Variants in CDH23 observed in about 807,000 individuals in gnomAD.
CDH23 encodes cadherin related 23.
CDH23 carries 189 observed loss-of-function variants against 317.1 expected under a neutral mutation model. The observed-to-expected ratio is 0.60, with a 90% CI of 0.53 to 0.67. The LOEUF is 0.67. CDH23 is among the 30% of genes least tolerant of loss of function. The pLI is 0.00. For missense variants in CDH23, 4,401 were observed against 4,592.4 expected (o/e 0.96, Z 1.20); for synonymous variants, 1,839 against 1,876.8 (o/e 0.98, Z 0.52).
intron 3 of CDH23, among the ~76,000 whole-genome samples, chr10:71,479,281 C>T (rs1033877194): frequency 7.2e-5 from 11 of 152,222 alleles, no homozygotes; most frequent in Non-Finnish European, 1.5e-4. Flanking sequence ...GCAGAGCTAA[C>T]ATTTTGGGGT....
chr10:71,805,951 T>C lies in CDH23; in HGVS notation c.8018T>C (p.Ile2673Thr), dbSNP rs775966932. The C allele has an allele frequency of 1.9e-6, 3 of 1,597,056 alleles. No homozygotes were observed. Among genetic ancestry groups the C allele is most frequent in the Non-Finnish European group, 1.7e-6 (2 of 1,171,366 alleles). Residue 2673 changes from isoleucine (I) to threonine (T), a missense_variant, in exon 56 of 70, where the codon ATC (isoleucine) becomes ACC (threonine). This residue lies in a region of CDH23 where 1,144 missense variants were observed against 1,138.2 expected (regional missense o/e 1.01). Transcript: ENST00000224721. ...ATCATCGACCCAATCAGCGGCCTCA[T>C]CCAGACTGCTCAGCGCCTGGACCGC... ...FFIIDPISGL[I>T]QTAQRLDRES...
chr10:71,806,932 C>A (rs911218643), intron 57 of CDH23, among the ~76,000 whole-genome samples: 1 of 152,226 alleles, frequency 6.6e-6, no homozygotes, highest in Non-Finnish European at 1.5e-5. Context: ...TGGACTCCAA[C>A]TCTGACATGG....
intron 17 of CDH23, among the ~76,000 whole-genome samples, chr10:71,680,810 C>CTTTTTTTTTTTTTTTTTTTTT (rs562449159): frequency 9.0e-5 from 9 of 100,558 alleles, no homozygotes; most frequent in Admixed American, 1.5e-4. Context: ...CTCTGTCTTT[C>CTTTTTTTTTTTTTTTTTTTTT]TTTTTTTTTT....
intron 3 of CDH23, among the ~76,000 whole-genome samples, chr10:71,476,213 A>G (rs143680000): frequency 1.9e-4 from 29 of 152,262 alleles, no homozygotes; most frequent in African/African-American, 5.5e-4. Flanking sequence ...TCATGGCTGC[A>G]TCTTTCATGC....
intron 42 of CDH23, 49 bp downstream of exon 42, chr10:71,784,469 T>C: frequency 1.3e-6 from 2 of 1,585,430 alleles, no homozygotes; most frequent in Admixed American, 1.8e-5. Context: ...GCCCCTGTAC[T>C]TGCCACAGAG....
chr10:71,399,703 T>C (rs1468058310), intron 1 of CDH23, among the ~76,000 whole-genome samples: 3 of 152,096 alleles, frequency 2.0e-5, no homozygotes, highest in Non-Finnish European at 4.4e-5. Context: ...AGTTCAAGGC[T>C]GTAGTGTGCT....
chr10:71,517,519 A>C (rs1854399297), intron 6 of CDH23, among the ~76,000 whole-genome samples: 1 of 152,050 alleles, frequency 6.6e-6, no homozygotes, highest in Non-Finnish European at 1.5e-5. Context: ...CAGATGCTGA[A>C]TGATTTATAA....
intron 11 of CDH23, among the ~76,000 whole-genome samples, chr10:71,643,097 A>G (rs889204769): frequency 6.6e-6 from 1 of 152,252 alleles, no homozygotes; most frequent in African/African-American, 2.4e-5. Context: ...CGTTCGCATC[A>G]TCATCTATAT....
intron 47 of CDH23, among the ~76,000 whole-genome samples, chr10:71,791,732 C>T (rs12355861): frequency 0.11 from 15,971 of 152,000 alleles, 942 homozygotes; most frequent in Middle Eastern, 0.18. Context: ...CCCACCACCA[C>T]ACCCAGCTAA....
chr10:71,635,525 T>A (rs1862225839), intron 11 of CDH23, among the ~76,000 whole-genome samples: 1 of 152,020 alleles, frequency 6.6e-6, no homozygotes, highest in African/African-American at 2.4e-5. Flanking sequence ...CGAGGCAGCC[T>A]CGGATTGATC....
intron 1 of CDH23, among the ~76,000 whole-genome samples, chr10:71,407,373 A>G (rs748883689): frequency 6.6e-6 from 1 of 152,146 alleles, no homozygotes; most frequent in African/African-American, 2.4e-5. Flanking sequence ...TTGAATGTTC[A>G]GGCGCCTCCA....
At chr10:71,791,778 G>T (rs1277791459) in intron 47 of CDH23, among the ~76,000 whole-genome samples, 1 of 151,890 alleles carries the variant, frequency 6.6e-6, no homozygotes, top group African/African-American at 2.4e-5. Context: ...GTTTCACCCT[G>T]TTGGCCAGGC....
chr10:71,540,198 A>G (rs1855911094), intron 6 of CDH23, among the ~76,000 whole-genome samples: 1 of 152,158 alleles, frequency 6.6e-6, no homozygotes, highest in Admixed American at 6.5e-5. Flanking sequence ...GCCGAGGCTC[A>G]CGTGCAGACC....
Position 71,455,823 on chromosome 10 carries a change from G to A in CDH23, c.145+9428G>A, listed in dbSNP as rs529005689. 1.9e-4 allele frequency among the ~76,000 whole-genome samples: 29 copies of A among 152,248 alleles called. No homozygotes were observed. The East Asian group carries it at 2.3e-3, about 12-fold the overall frequency. On this transcript the variant is annotated intron_variant, in intron 3 of 69. Transcript: ENST00000224721. Reference sequence around the variant, plus strand: ...TGAAAAACCCCTGGGGCCTCCTGTCGGACAGTTTGTGACCACTTTGTTAGA... The same window carrying A: ...TGAAAAACCCCTGGGGCCTCCTGTCAGACAGTTTGTGACCACTTTGTTAGA...
intron 43 of CDH23, 50 bp downstream of exon 43, chr10:71,785,150 A>C: frequency 3.3e-6 from 5 of 1,507,098 alleles, no homozygotes; most frequent in Non-Finnish European, 4.6e-6. Context: ...CCAGTGAAAA[A>C]GAGGACCCTG....
intron 9 of CDH23, among the ~76,000 whole-genome samples, chr10:71,585,691 C>T (rs1047753353): frequency 1.6e-4 from 25 of 152,232 alleles, no homozygotes; most frequent in African/African-American, 6.0e-4. Flanking sequence ...TGCACTTCTT[C>T]CTTCCCCCTG....
At chr10:71,445,277 G>T (rs1033142742) in intron 2 of CDH23, among the ~76,000 whole-genome samples, 15 of 152,200 alleles carry the variant, frequency 9.9e-5, no homozygotes, top group Non-Finnish European at 2.2e-4. Context: ...GAGTGAGGTG[G>T]TTTAAATAGC....
chr10:71,774,051 G>GCACACACA (rs57159718), intron 38 of CDH23, among the ~76,000 whole-genome samples: 21 of 88,554 alleles, frequency 2.4e-4, no homozygotes, highest in African/African-American at 5.4e-4. Flanking sequence ...ATGCGCGCGC[G>GCACACACA]CACACACACA....
chr10:71,517,211 C>T (rs1854381364), intron 6 of CDH23, among the ~76,000 whole-genome samples: 1 of 152,218 alleles, frequency 6.6e-6, no homozygotes, highest in East Asian at 1.9e-4. Context: ...TGTGCATGGT[C>T]CAGGGCTGGG....
Sources: gnomAD v4.1 joint callset for allele counts (sites outside exome capture counted in the v4.1 genomes callset) on GRCh38, gnomAD v4.1.1 for gene constraint, gnomAD v4.1.1 regional missense constraint, MANE v1.5 for transcripts, NCBI Gene and HGNC (gene_info 2026-07-23, HGNC 2026-07-21) for gene names.